IL31RA: variants seen among roughly 807,000 people sequenced by gnomAD.
IL31RA encodes interleukin-31 receptor subunit alpha.
Under a neutral mutation model 83.7 loss-of-function variants are expected in IL31RA, and 66 were observed. The ratio of observed to expected loss-of-function variants is 0.79; its 90% confidence interval spans 0.65 to 0.97. The LOEUF (loss-of-function observed/expected upper bound fraction) is 0.97, where lower values mean the gene tolerates loss of function less well. Ranked by LOEUF, IL31RA falls within the 50% of genes least tolerant of loss-of-function variation. The probability of loss-of-function intolerance (pLI) is 0.00; values close to 1 mark genes in which losing one functional copy is unlikely to be tolerated. For synonymous variants in IL31RA, 325 were observed against 329.0 expected (o/e 0.99, Z 0.13); for missense variants, 798 against 919.4 (o/e 0.87, Z 1.71).
At chr5:55,847,044 A>G (rs1744941929), upstream of IL31RA, among the ~76,000 whole-genome samples, 1 of 149,516 alleles carries the variant, frequency 6.7e-6, no homozygotes, top group Admixed American at 6.7e-5. Flanking sequence ...GGAGTTTGAG[A>G]CCAGCCTGGC....
chr5:55,859,301 A>G (rs143412127), intron 1 of IL31RA, among the ~76,000 whole-genome samples: 107 of 152,328 alleles, frequency 7.0e-4, no homozygotes, highest in African/African-American at 2.4e-3. Context: ...CGATGGACGA[A>G]AGGAAAACGT....
intron 6 of IL31RA, among the ~76,000 whole-genome samples, chr5:55,891,721 A>G (rs560310770): frequency 1.8e-4 from 27 of 147,248 alleles, no homozygotes; most frequent in South Asian, 1.5e-3. Context: ...CCCTTTTACC[A>G]TATAAGGAAA....
intron 6 of IL31RA, among the ~76,000 whole-genome samples, chr5:55,892,348 G>A (rs1334426891): frequency 6.6e-6 from 1 of 152,186 alleles, no homozygotes; most frequent in South Asian, 2.1e-4. Context: ...TTAGATTTCA[G>A]TCTCATACCC....
rs561756629 is a variant in IL31RA, at chr5:55,916,572, C to A, written c.1819-72C>A. 1.6e-5 allele frequency: 21 copies of A among 1,312,476 alleles called. No homozygotes were observed. In the African/African-American group the frequency reaches 3.0e-4, roughly 19 times the overall value. 81.3% of individuals were successfully genotyped at this position (1,312,476 alleles called of 1,614,324 possible). A position where few individuals can be genotyped will look rare whatever the true frequency, so the allele number is the denominator to read the frequency against. ...AGAGATGGGCATTTGCTGTCCCAAG[C>A]CTAACGAGTTTTTGGCTATGTCATA... On this transcript the variant is annotated intron_variant, in intron 14 of 14. Coordinates refer to ENST00000652347, the MANE Select transcript of IL31RA (RefSeq NM_139017.7).
At chr5:55,908,502 A>T (rs775665297) in intron 11 of IL31RA, 91 bp downstream of exon 11, 2 of 1,612,432 alleles carry the variant, frequency 1.2e-6, no homozygotes, top group South Asian at 1.1e-5. Context: ...CCCCCATCTC[A>T]TTGTGACTTG....
chr5:55,883,224 A>T lies in IL31RA; in HGVS notation c.606+29A>T, dbSNP rs10940491. 0.58 allele frequency: 905,062 copies of T among 1,562,168 alleles called. 267,863 individuals are homozygous for T. Among genetic ancestry groups the T allele is most frequent in the African/African-American group, 0.85 (62,399 of 73,618 alleles). On this transcript the variant is annotated intron_variant, in intron 5 of 14. Coordinates refer to ENST00000652347, the MANE Select transcript of IL31RA (RefSeq NM_139017.7). The stretch of plus-strand genomic sequence containing the variant: ...AGTTATGCCATTATAATAATATTCC[A>T]ATTAGAGGCCCAGAGGAAAAGAATC...
At chr5:55,896,576 T>C (rs1288923644) in intron 7 of IL31RA, 147 bp downstream of exon 7, 4 of 363,042 alleles carry the variant, frequency 1.1e-5, no homozygotes, top group Non-Finnish European at 1.5e-5. Flanking sequence ...CTCCCCTCCC[T>C]TCCCCCCACC....
At chr5:55,908,152 C>G in intron 10 of IL31RA, 113 bp from the exon 11 acceptor site, 3 of 1,455,392 alleles carry the variant, frequency 2.1e-6, no homozygotes, top group Non-Finnish European at 1.9e-6. Flanking sequence ...TCAACCCTCA[C>G]CCGTCGCCTC....
chr5:55,877,896 T>C (rs780568728), intron 4 of IL31RA, among the ~76,000 whole-genome samples: 2 of 152,180 alleles, frequency 1.3e-5, no homozygotes, highest in Non-Finnish European at 2.9e-5. Context: ...TTTTAGCTAC[T>C]ATTTCTTCAA....
At chr5:55,858,443 A>G (rs1745480886) in intron 1 of IL31RA, among the ~76,000 whole-genome samples, 2 of 152,186 alleles carry the variant, frequency 1.3e-5, no homozygotes, top group African/African-American at 4.8e-5. Flanking sequence ...AAAAATTGAA[A>G]TGTTTCCCTT....
At chr5:55,859,477 G>A (rs780138614) in intron 1 of IL31RA, 32 bp from the exon 2 acceptor site, 1 of 1,516,514 alleles carries the variant, frequency 6.6e-7, no homozygotes, top group Non-Finnish European at 9.2e-7. Context: ...GAGATATGAA[G>A]CAAACCAACT....
intron 7 of IL31RA, among the ~76,000 whole-genome samples, chr5:55,897,637 A>G (rs1748494228): frequency 6.6e-6 from 1 of 151,396 alleles, no homozygotes; most frequent in Admixed American, 6.6e-5. Flanking sequence ...CCTGGGAGTG[A>G]GGAACAGGAG....
chr5:55,917,446 G>A lies in IL31RA; in HGVS notation c.*326G>A. On this transcript the variant is annotated 3_prime_UTR_variant, in exon 15 of 15. Transcript: ENST00000652347. ...CTGAGCCCAAAGGACCCCCAGGGTG[G>A]ACATATCTGGCCTCCCAGGAATTGG... 1 of 660,234 alleles carries A rather than the reference G, an allele frequency of 1.5e-6. No individual in the cohort carries two copies. The highest frequency in any genetic ancestry group is 2.5e-5 in the South Asian group (1 of 40,758). The allele number at this position is 660,234 out of a possible 1,614,324, so 40.9% of individuals were successfully genotyped here. A position where few individuals can be genotyped will look rare whatever the true frequency, so the allele number is the denominator to read the frequency against.
Position 55,917,415 on chromosome 5 carries a change from C to T in IL31RA, c.*295C>T, listed in dbSNP as rs887980553. 9 of 1,068,034 alleles carry T rather than the reference C, an allele frequency of 8.4e-6. No individual in the cohort carries two copies. The highest frequency in any genetic ancestry group is 1.1e-5 in the Non-Finnish European group (9 of 819,612). 66.2% of individuals were successfully genotyped at this position (1,068,034 alleles called of 1,614,324 possible). On this transcript the variant is annotated 3_prime_UTR_variant, in exon 15 of 15. Coordinates refer to ENST00000652347, the MANE Select transcript of IL31RA (RefSeq NM_139017.7). Reference sequence around the variant, plus strand: ...ACAGATTGACTTTGAAGGAAGGGCCCAGGTTCTGAGCCCAAAGGACCCCCA... The same window carrying T: ...ACAGATTGACTTTGAAGGAAGGGCCTAGGTTCTGAGCCCAAAGGACCCCCA...
At chr5:55,886,268 C>CTTGCTCTTTTTTTTTT (rs1235138364) in intron 5 of IL31RA, among the ~76,000 whole-genome samples, 1 of 71,510 alleles carries the variant, frequency 1.4e-5, no homozygotes, top group African/African-American at 7.3e-5. Context: ...TGCTTGCTTG[C>CTTGCTCTTTTTTTTTT]TTTTTTTTTT....
At chr5:55,841,907 T>G in the IL31RA span, among the ~76,000 whole-genome samples, 596 of 151,234 alleles carry the variant, frequency 3.9e-3, 5 homozygotes, top group African/African-American at 0.014. Flanking sequence ...CCTTCTGGAG[T>G]CTCTGAGGGA....
Position 55,919,403 on chromosome 5 carries a change from G to A in IL31RA, c.*2283G>A, listed in dbSNP as rs902137029. ...TCCTGTGAGTGGATTCCAGAGATAA[G>A]GATGTTGCCCTCTGGCCCCTGCTCC... On this transcript the variant is annotated 3_prime_UTR_variant, in exon 15 of 15. Transcript: ENST00000652347. 6.6e-6 allele frequency among the ~76,000 whole-genome samples: 1 copy of A among 152,186 alleles called. No individual in the cohort carries two copies. Among genetic ancestry groups the A allele is most frequent in the African/African-American group, 2.4e-5 (1 of 41,440 alleles).
intron 3 of IL31RA, 111 bp from the exon 4 acceptor site, chr5:55,872,159 T>C: frequency 1.2e-6 from 1 of 806,008 alleles, no homozygotes; most frequent in Non-Finnish European, 2.1e-6. Flanking sequence ...ACTATACAGT[T>C]CTCAAGAAAA....
At chr5:55,889,545 C>T (rs193251402) in intron 5 of IL31RA, among the ~76,000 whole-genome samples, 209 of 152,318 alleles carry the variant, frequency 1.4e-3, no homozygotes, top group Non-Finnish European at 2.1e-3. Flanking sequence ...TCGTGGATGA[C>T]GTGAGGATTG....
Sources: gnomAD v4.1 joint callset for allele counts (sites outside exome capture counted in the v4.1 genomes callset) on GRCh38, gnomAD v4.1.1 for gene constraint, MANE v1.5 for transcripts, NCBI Gene and HGNC (gene_info 2026-07-23, HGNC 2026-07-21) for gene names.